The following FYB1 variants were observed in gnomAD, a reference collection of about 807,000 sequenced individuals.
FYB1 encodes FYN-binding protein 1.
In FYB1, 41 loss-of-function variants were observed where a neutral mutation model predicts 94.1. That is an observed-to-expected ratio of 0.44 (90% confidence interval 0.34 to 0.57). The LOEUF (loss-of-function observed/expected upper bound fraction) is 0.57. FYB1 is among the 20% of genes least tolerant of loss of function. FYB1 has a pLI of 0.02. For missense variants in FYB1, 1,050 were observed against 976.8 expected (o/e 1.07, Z -1.00); for synonymous variants, 367 against 353.2 (o/e 1.04, Z -0.44).
At chr5:39,189,081 T>C (rs1029901036) in intron 2 of FYB1, among the ~76,000 whole-genome samples, 2 of 152,224 alleles carry the variant, frequency 1.3e-5, no homozygotes, top group Non-Finnish European at 2.9e-5. Flanking sequence ...CTGGTCATCT[T>C]TCTCCTCAGA....
intron 2 of FYB1, chr5:39,170,018 C>T: frequency 1.3e-6 from 1 of 757,424 alleles, no homozygotes; most frequent in Non-Finnish European, 2.4e-6. Context: ...GGCCTAGGAA[C>T]AGATGAATTT....
chr5:39,203,539 G>A (rs1748570800), intron 1 of FYB1, among the ~76,000 whole-genome samples: 1 of 152,082 alleles, frequency 6.6e-6, no homozygotes, highest in Non-Finnish European at 1.5e-5. Flanking sequence ...TTTGTTAACA[G>A]GGAGATGTGG....
intron 1 of FYB1, among the ~76,000 whole-genome samples, chr5:39,204,266 C>A (rs1315952336): frequency 6.6e-6 from 1 of 152,144 alleles, no homozygotes; most frequent in Admixed American, 6.5e-5. Flanking sequence ...AATACATGTG[C>A]TTTGTTCTAT....
At chr5:39,178,461 C>A (rs746184196) in intron 2 of FYB1, among the ~76,000 whole-genome samples, 1 of 152,128 alleles carries the variant, frequency 6.6e-6, no homozygotes, top group African/African-American at 2.4e-5. Flanking sequence ...ACTCTATAGT[C>A]GTCAAAATGC....
At chr5:39,233,896 A>G (rs1750850069) in intron 1 of FYB1, among the ~76,000 whole-genome samples, 1 of 152,138 alleles carries the variant, frequency 6.6e-6, no homozygotes, top group South Asian at 2.1e-4. Context: ...ACAAGTTAAC[A>G]TAGTAGTATT....
chr5:39,210,374 G>A (rs1749252123), intron 1 of FYB1, among the ~76,000 whole-genome samples: 1 of 152,246 alleles, frequency 6.6e-6, no homozygotes, highest in Admixed American at 6.5e-5. Flanking sequence ...GTGTTATTCC[G>A]AGCACTGATG....
chr5:39,153,289 TGGCCAGCTC>T (rs1244793651), intron 3 of FYB1, among the ~76,000 whole-genome samples, 150 bp downstream of exon 3: 1 of 152,214 alleles, frequency 6.6e-6, no homozygotes, highest in Non-Finnish European at 1.5e-5. Flanking sequence ...ACTGCCAGCT[TGGCCAGCTC>T]GGCCAGCTCA....
At position 39,108,189 on chromosome 5, in the gene FYB1, T is replaced by A. The variant is rs911227669; in HGVS notation, c.2467+42A>T. The A allele has an allele frequency of 1.8e-5, 27 of 1,472,524 alleles. No individual in the cohort carries two copies. In the African/African-American group the frequency reaches 3.0e-4, roughly 16 times the overall value. 91.2% of individuals were successfully genotyped at this position (1,472,524 alleles called of 1,614,324 possible). A position where few individuals can be genotyped will look rare whatever the true frequency, so the allele number is the denominator to read the frequency against. ...TTTAGCATTTATAAAAACAGTAAAT[T>A]CACTATGACTGTTCTCTAGGGTGGT... On this transcript the variant is annotated intron_variant, in intron 18 of 18. Coordinates refer to ENST00000512982, the MANE Select transcript of FYB1 (RefSeq NM_001465.6).
intron 1 of FYB1, among the ~76,000 whole-genome samples, chr5:39,241,782 G>A (rs1751217364): frequency 1.3e-5 from 2 of 151,734 alleles, no homozygotes; most frequent in African/African-American, 2.4e-5. Flanking sequence ...TTGGAAAGGA[G>A]CCTCATGGTT....
chr5:39,157,384 G>C (rs865787318), intron 2 of FYB1, among the ~76,000 whole-genome samples: 4 of 152,282 alleles, frequency 2.6e-5, no homozygotes, highest in Middle Eastern at 3.4e-3. Flanking sequence ...TGGCTCTAGA[G>C]ACTGTAAGGC....
At chr5:39,172,149 T>A (rs1362209063) in intron 2 of FYB1, among the ~76,000 whole-genome samples, 2 of 152,102 alleles carry the variant, frequency 1.3e-5, no homozygotes, top group Non-Finnish European at 2.9e-5. Flanking sequence ...AATCCCTTTT[T>A]AAAAAAATAA....
chr5:39,186,637 G>GA (rs1333779390), intron 2 of FYB1, among the ~76,000 whole-genome samples: 1 of 80,008 alleles, frequency 1.2e-5, no homozygotes, highest in Non-Finnish European at 2.2e-5. Flanking sequence ...ACAATTGGAT[G>GA]CTTTTTTTTT....
chr5:39,206,061 G>C (rs1579675200), intron 1 of FYB1, among the ~76,000 whole-genome samples: 1 of 152,094 alleles, frequency 6.6e-6, no homozygotes, highest in South Asian at 2.1e-4. Flanking sequence ...TGTTATGTCC[G>C]AATTTTAAAT....
intron 1 of FYB1, among the ~76,000 whole-genome samples, chr5:39,271,519 T>G (rs1359016377): frequency 6.6e-6 from 1 of 152,238 alleles, no homozygotes; most frequent in Non-Finnish European, 1.5e-5. Flanking sequence ...CAGATCTTGT[T>G]GTAAGTATTA....
chr5:39,258,692 G>T (rs1244147883), intron 1 of FYB1, among the ~76,000 whole-genome samples: 1 of 152,126 alleles, frequency 6.6e-6, no homozygotes, highest in African/African-American at 2.4e-5. Context: ...ATGGAGGAGA[G>T]CAATCAACTT....
In FYB1 at chr5:39,224,872, T is replaced by C. The variant is rs1360338345; in HGVS notation, c.-27-21885A>G. On this transcript the variant is annotated intron_variant, in intron 1 of 1. Coordinates refer to the FYB1 transcript ENST00000510188. ...CTCATTCTTCCTGCTTTCTTCCAAG[T>C]AGGAAACTACTTGGTTAACATCAGA... Among the ~76,000 whole-genome samples, 3 of 152,184 alleles carry C rather than the reference T, an allele frequency of 2.0e-5. No homozygotes were observed. In the East Asian group the frequency reaches 5.8e-4, roughly 29 times the overall value.
rs1392114358 is a variant in FYB1 at position 39,256,507 on chromosome 5, C to T, written c.-28+17896G>A. Reference sequence around the variant, plus strand: ...TTTTATGGGAATGCCCTACCTCTCTCCTTGCCCTGCTTATCAAATTAGCTC... The same window carrying T: ...TTTTATGGGAATGCCCTACCTCTCTTCTTGCCCTGCTTATCAAATTAGCTC... On this transcript the variant is annotated intron_variant, in intron 1 of 1. Coordinates refer to the FYB1 transcript ENST00000510188. Among the ~76,000 whole-genome samples, 3 of 152,188 alleles carry T rather than the reference C, an allele frequency of 2.0e-5. No individual in the cohort carries two copies. In the East Asian group the frequency reaches 5.8e-4, roughly 29 times the overall value.
At chr5:39,261,558 C>T (rs1035799087) in intron 1 of FYB1, among the ~76,000 whole-genome samples, 1 of 152,038 alleles carries the variant, frequency 6.6e-6, no homozygotes, top group Admixed American at 6.6e-5. Flanking sequence ...ACCAACCTGG[C>T]TAACGTGGTG....
At chr5:39,265,462 C>T (rs571277855) in intron 1 of FYB1, among the ~76,000 whole-genome samples, 10 of 146,012 alleles carry the variant, frequency 6.8e-5, no homozygotes, top group Non-Finnish European at 1.0e-4. Context: ...CCAGCCTGGG[C>T]GACAGAGCAA....
Sources: allele counts gnomAD v4.1 joint callset (sites outside exome capture counted in the v4.1 genomes callset), GRCh38; gene constraint gnomAD v4.1.1; transcripts MANE v1.5; gene names NCBI Gene and HGNC (gene_info 2026-07-23, HGNC 2026-07-21).